TOP1: variants seen among roughly 807,000 people sequenced by gnomAD.
TOP1 encodes DNA topoisomerase 1.
A neutral mutation model predicts 111.1 loss-of-function variants in TOP1; 10 were observed. The ratio of observed to expected loss-of-function variants is 0.09; its 90% CI spans 0.06 to 0.15. The LOEUF is 0.15. Ranked by LOEUF, TOP1 falls within the 10% of genes least tolerant of loss-of-function variation. The pLI is 1.00. For synonymous variants in TOP1, 271 were observed against 302.9 expected (o/e 0.89, Z 1.10); for missense variants, 474 against 926.7 (o/e 0.51, Z 6.34).
chr20:41,052,745 C>A (rs1425173741), intron 2 of TOP1, among the ~76,000 whole-genome samples: 1 of 152,130 alleles, frequency 6.6e-6, no homozygotes, highest in Non-Finnish European at 1.5e-5. Flanking sequence ...AATCCCAGCA[C>A]TTTGGGAGGC....
chr20:41,097,169 C>T lies in TOP1; in HGVS notation c.731-51C>T. On this transcript the variant is annotated intron_variant, in intron 9 of 20. Transcript: ENST00000361337. This position sits in a 1 kb window ranked among gnomAD's most constrained non-coding sequence, Gnocchi z 4.2. ...AATTCGCTAGCCCTGGGTATTTATG[C>T]TTAGAACATGAATACTATACCTCAC... The T allele has an allele frequency of 6.3e-7, 1 of 1,592,892 alleles. No individual in the cohort carries two copies. The highest frequency in any genetic ancestry group is 2.2e-5 in the East Asian group (1 of 44,740).
intron 8 of TOP1, 32 bp downstream of exon 8, chr20:41,084,600 C>A: frequency 1.6e-6 from 2 of 1,256,302 alleles, no homozygotes; most frequent in South Asian, 1.5e-5. Context: ...AAAATGCCAC[C>A]TTTTTTATTG....
rs1389299338 is a variant in TOP1, at chr20:41,110,454, T to G, written c.1309-2328T>G. ...AAGGGAAATAGTCATGTAAGAATAC[T>G]GGCAAATGTCCTCTTCCCCATTACA... On this transcript the variant is annotated intron_variant, in intron 13 of 20. Coordinates refer to ENST00000361337, the MANE Select transcript of TOP1 (RefSeq NM_003286.4). The surrounding 1 kb of genome is among the most constrained non-coding windows in gnomAD (Gnocchi z 4.2). Among the ~76,000 whole-genome samples the G allele has an allele frequency of 1.3e-5, 2 of 152,226 alleles. No individual in the cohort carries two copies. The highest frequency in any genetic ancestry group is 2.9e-5 in the Non-Finnish European group (2 of 68,036).
chr20:41,076,053 G>C, intron 3 of TOP1, 118 bp from the exon 4 acceptor site: 1 of 1,010,004 alleles, frequency 9.9e-7, no homozygotes, highest in Non-Finnish European at 1.4e-6. Flanking sequence ...CCTTCTGTCG[G>C]TACTGTTTGT....
At chr20:41,099,730 T>C (rs189229339) in intron 11 of TOP1, among the ~76,000 whole-genome samples, 141 of 152,356 alleles carry the variant, frequency 9.3e-4, no homozygotes, top group African/African-American at 3.3e-3. Flanking sequence ...CTCCATTTCC[T>C]GTTTTGATAG....
chr20:41,059,302 T>G (rs2033513622), intron 2 of TOP1, among the ~76,000 whole-genome samples: 1 of 151,676 alleles, frequency 6.6e-6, no homozygotes. Context: ...AACCTGCACA[T>G]ATACCCCTGA....
At chr20:41,089,064 G>A (rs937784177) in intron 8 of TOP1, among the ~76,000 whole-genome samples, 25 of 111,206 alleles carry the variant, frequency 2.2e-4, no homozygotes, top group African/African-American at 8.7e-4. Flanking sequence ...TCGCTCTGTC[G>A]CCCAGGTTGG....
intron 3 of TOP1, 78 bp from the exon 4 acceptor site, chr20:41,076,093 T>C (rs2033723979): frequency 1.3e-6 from 2 of 1,495,938 alleles, no homozygotes; most frequent in Admixed American, 2.2e-5. Flanking sequence ...ACGGTTCATG[T>C]TATCTTAGGA....
intron 2 of TOP1, among the ~76,000 whole-genome samples, chr20:41,049,935 A>T (rs908407634): frequency 2.0e-5 from 3 of 152,156 alleles, no homozygotes; most frequent in East Asian, 1.9e-4. Context: ...ATTCTTGTTT[A>T]TATGCAATAC....
Position 41,082,199 on chromosome 20 carries a change from C to T in TOP1, c.507+959C>T, listed in dbSNP as rs1600577530. ...ATGTAAAGTGGACAGTTTGAAGTAC[C>T]AGCAGTAAAGAGAATGATAGTGAAG... On this transcript the variant is annotated intron_variant, in intron 7 of 20. Transcript: ENST00000361337. This position sits in a 1 kb window ranked among gnomAD's most constrained non-coding sequence, Gnocchi z 4.1. 1.3e-5 allele frequency among the ~76,000 whole-genome samples: 2 copies of T among 152,156 alleles called. No individual in the cohort carries two copies. Among genetic ancestry groups the T allele is most frequent in the East Asian group, 3.9e-4 (2 of 5,178 alleles).
intron 13 of TOP1, among the ~76,000 whole-genome samples, chr20:41,103,913 G>A (rs980897233): frequency 2.0e-5 from 3 of 151,818 alleles, no homozygotes; most frequent in Non-Finnish European, 4.4e-5. Flanking sequence ...CAGGTACCCC[G>A]GTATACTCTC....
Position 41,080,009 on chromosome 20 carries a change from A to G in TOP1, c.336-76A>G, listed in dbSNP as rs2033770581. On this transcript the variant is annotated intron_variant, in intron 5 of 20. Transcript: ENST00000361337. This position sits in a 1 kb window ranked among gnomAD's most constrained non-coding sequence, Gnocchi z 5.0. ...ATTTCTGTTAGCTTCTTTTCAACGAAATGACATATTCCTTCTTTGTATTAA... is the reference window on the plus strand; with the variant it reads ...ATTTCTGTTAGCTTCTTTTCAACGAGATGACATATTCCTTCTTTGTATTAA... 1.1e-6 allele frequency: 1 copy of G among 888,106 alleles called. No individual in the cohort carries two copies. The highest frequency in any genetic ancestry group is 1.8e-6 in the Non-Finnish European group (1 of 548,344). The allele number at this position is 888,106 out of a possible 1,614,324, so 55.0% of individuals were successfully genotyped here.
rs1416926350 is a variant in TOP1, at chr20:41,112,961, G to A, written c.1452+36G>A. ...CTTCCCATCGGCATTGTCTAGTGTTGAGCTTAACAAAGGGAGTTTCTGCTC... is the reference window on the plus strand; with the variant it reads ...CTTCCCATCGGCATTGTCTAGTGTTAAGCTTAACAAAGGGAGTTTCTGCTC... On this transcript the variant is annotated intron_variant, in intron 14 of 20. Transcript: ENST00000361337. The surrounding 1 kb of genome is among the most constrained non-coding windows in gnomAD (Gnocchi z 5.8). 1.7e-5 allele frequency: 28 copies of A among 1,601,316 alleles called. No individual in the cohort carries two copies. Among genetic ancestry groups the A allele is most frequent in the Non-Finnish European group, 2.4e-5 (28 of 1,172,848 alleles).
At position 41,113,942 on chromosome 20, in the gene TOP1, G is replaced by A. The variant is rs776648785; in HGVS notation, c.1453-28G>A. On this transcript the variant is annotated intron_variant, in intron 14 of 20. Coordinates refer to ENST00000361337, the MANE Select transcript of TOP1 (RefSeq NM_003286.4). ...TAAGGATCATGTCTCTTCCATTCAT[G>A]CTCATCTTTTCTTTCTTTCCTGGGC... 4.5e-6 allele frequency: 7 copies of A among 1,569,430 alleles called. No individual in the cohort carries two copies. In the African/African-American group the frequency reaches 8.2e-5, roughly 18 times the overall value.
At chr20:41,086,903 C>T (rs898594874) in intron 8 of TOP1, among the ~76,000 whole-genome samples, 11 of 152,116 alleles carry the variant, frequency 7.2e-5, no homozygotes, top group Non-Finnish European at 1.6e-4. Context: ...AATGAAGAGC[C>T]TCTTAACTGA....
chr20:41,081,136 T>A, intron 6 of TOP1, 29 bp from the exon 7 acceptor site: 1 of 1,573,882 alleles, frequency 6.4e-7, no homozygotes, highest in Non-Finnish European at 8.6e-7. Context: ...ATAATTATGT[T>A]AACTGTGTAT....
intron 2 of TOP1, among the ~76,000 whole-genome samples, chr20:41,039,489 T>C (rs2033233115): frequency 6.6e-6 from 1 of 152,230 alleles, no homozygotes; most frequent in African/African-American, 2.4e-5. Context: ...AAAATGGTTT[T>C]TTTTTGTATA....
chr20:41,085,419 A>G (rs965651249), intron 8 of TOP1, among the ~76,000 whole-genome samples: 3 of 152,260 alleles, frequency 2.0e-5, no homozygotes, highest in African/African-American at 7.2e-5. Context: ...CAGTTTAGTC[A>G]TAGCTGGTTG....
At chr20:41,057,490 T>C (rs1334065326) in intron 2 of TOP1, among the ~76,000 whole-genome samples, 1 of 152,240 alleles carries the variant, frequency 6.6e-6, no homozygotes, top group Non-Finnish European at 1.5e-5. Flanking sequence ...TTAGAGCTTT[T>C]TAGTGATTTA....
Sources: allele counts gnomAD v4.1 joint callset (sites outside exome capture counted in the v4.1 genomes callset), GRCh38; gene constraint gnomAD v4.1.1; non-coding constraint Gnocchi (gnomAD v3.1); transcripts MANE v1.5; gene names NCBI Gene and HGNC (gene_info 2026-07-23, HGNC 2026-07-21).